The following HMBOX1 variants were observed in gnomAD, a reference collection of about 807,000 sequenced individuals.
HMBOX1 encodes the protein homeobox-containing protein 1.
Under a neutral mutation model 54.5 loss-of-function variants are expected in HMBOX1, and 14 were observed. The observed-to-expected ratio is 0.26, with a 90% CI of 0.17 to 0.40. The LOEUF is 0.40. Ranked by LOEUF, HMBOX1 falls within the 10% of genes least tolerant of loss-of-function variation. HMBOX1 has a pLI of 1.00. For synonymous variants in HMBOX1, 160 were observed against 181.0 expected, an observed-to-expected ratio of 0.88 and a Z score of 0.93; for missense variants, 332 against 514.4, an observed-to-expected ratio of 0.65 and a Z score of 3.43.
At chr8:28,910,131 T>C (rs778073147) in intron 1 of HMBOX1, among the ~76,000 whole-genome samples, 1 of 152,220 alleles carries the variant, frequency 6.6e-6, no homozygotes, top group Admixed American at 6.5e-5. Context: ...GTTTACAGAT[T>C]TGTACTTTCC....
chr8:28,971,934 A>G (rs1827497208), intron 3 of HMBOX1, among the ~76,000 whole-genome samples: 2 of 152,326 alleles, frequency 1.3e-5, no homozygotes, highest in African/African-American at 4.8e-5. Context: ...AGTACCTATA[A>G]GTATCATTAT....
At chr8:29,015,178 C>T (rs900875507) in intron 5 of HMBOX1, among the ~76,000 whole-genome samples, 1 of 152,066 alleles carries the variant, frequency 6.6e-6, no homozygotes, top group Non-Finnish European at 1.5e-5. Flanking sequence ...CAAGAAAGAA[C>T]CATTATTATT....
At chr8:28,932,436 C>T (rs960630572) in intron 1 of HMBOX1, among the ~76,000 whole-genome samples, 10 of 152,152 alleles carry the variant, frequency 6.6e-5, no homozygotes, top group African/African-American at 1.2e-4. Flanking sequence ...CACTGATAGA[C>T]AGTGTAAAGC....
At position 29,018,850 on chromosome 8, in the gene HMBOX1, C is replaced by A. The variant is rs1800735206; in HGVS notation, c.788C>A (p.Thr263Asn). The change falls in exon 6 of 10, where the codon ACT (threonine) becomes AAT (asparagine). Residue 263 changes from threonine to asparagine, a missense_variant. By Grantham distance (65) the Thr-to-Asn change is moderately conservative (BLOSUM62 0). Coordinates refer to ENST00000287701, the MANE Select transcript of HMBOX1 (RefSeq NM_001135726.3). ...CCCCCAGTCTCTGCCACATCTGGTA[C>A]TTTCCGACTGCGACGAGGGAGTCGA... ...TPPPVSATSGTFRLRRGSRFT... is the reference protein window; with the variant it reads ...TPPPVSATSGNFRLRRGSRFT... The A allele has an allele frequency of 6.2e-7, 1 of 1,614,166 alleles. No homozygotes were observed. Among genetic ancestry groups the A allele is most frequent in the Non-Finnish European group, 8.5e-7 (1 of 1,179,996 alleles).
chr8:28,892,420 C>T (rs1312727990), intron 1 of HMBOX1, among the ~76,000 whole-genome samples: 1 of 152,032 alleles, frequency 6.6e-6, no homozygotes, highest in Non-Finnish European at 1.5e-5. Flanking sequence ...TTTGTACTTC[C>T]TTATTAAGTT....
intron 1 of HMBOX1, among the ~76,000 whole-genome samples, chr8:28,940,564 T>C (rs1821206084): frequency 6.6e-6 from 1 of 152,244 alleles, no homozygotes; most frequent in African/African-American, 2.4e-5. Flanking sequence ...ATATTCCTAA[T>C]GACTAAAATA....
intron 1 of HMBOX1, among the ~76,000 whole-genome samples, chr8:28,904,783 C>A (rs1367674259): frequency 6.6e-6 from 1 of 151,922 alleles, no homozygotes; most frequent in African/African-American, 2.4e-5. Context: ...TCACACCATT[C>A]TCCTGCCTCA....
rs73669461 is a variant in HMBOX1, at chr8:28,932,017, A to G, written c.-57-31794A>G. 4.9e-3 allele frequency among the ~76,000 whole-genome samples: 746 copies of G among 152,376 alleles called. 5 individuals carry two copies. The highest frequency in any genetic ancestry group is 7.7e-3 in the Non-Finnish European group (523 of 68,044). On this transcript the variant is annotated intron_variant, in intron 1 of 9. Coordinates refer to ENST00000287701, the MANE Select transcript of HMBOX1 (RefSeq NM_001135726.3). ...AGATAGTAGTAAGTGCTAGAAGCAT[A>G]TAAGTCAGGGTTATGATAGTATTTT...
At chr8:28,939,599 C>A (rs566129528) in intron 1 of HMBOX1, among the ~76,000 whole-genome samples, 1 of 151,968 alleles carries the variant, frequency 6.6e-6, no homozygotes, top group Non-Finnish European at 1.5e-5. Context: ...TCTCCGCCCC[C>A]CCTGGGTTCA....
intron 9 of HMBOX1, 182 bp downstream of exon 9, chr8:29,049,230 G>T: frequency 6.6e-7 from 1 of 1,514,636 alleles, no homozygotes; most frequent in Non-Finnish European, 8.8e-7. Context: ...AGATTCAGTT[G>T]TCCTGTTGAA....
At chr8:29,005,046 A>G (rs1220957118) in intron 4 of HMBOX1, among the ~76,000 whole-genome samples, 1 of 152,216 alleles carries the variant, frequency 6.6e-6, no homozygotes, top group Non-Finnish European at 1.5e-5. Flanking sequence ...CTGAGATTAA[A>G]TTTAGAGGGA....
At chr8:28,891,751 G>T (rs1473411410) in intron 1 of HMBOX1, 1 of 152,240 alleles carries the variant, frequency 6.6e-6, no homozygotes, top group Non-Finnish European at 1.5e-5. Flanking sequence ...TCTTGCATTT[G>T]CCTGAAAGCT....
At chr8:28,960,229 C>T (rs564135631) in intron 1 of HMBOX1, among the ~76,000 whole-genome samples, 16 of 151,620 alleles carry the variant, frequency 1.1e-4, no homozygotes, top group Non-Finnish European at 1.8e-4. Flanking sequence ...AATGAGCCAC[C>T]GTGCCTGGCC....
chr8:28,916,911 A>G (rs1343599550), intron 1 of HMBOX1, among the ~76,000 whole-genome samples: 2 of 152,076 alleles, frequency 1.3e-5, no homozygotes, highest in African/African-American at 2.4e-5. Flanking sequence ...TCTACAAAAT[A>G]TAAAAATTAG....
At chr8:28,902,024 A>G (rs1458276613) in intron 1 of HMBOX1, among the ~76,000 whole-genome samples, 2 of 152,210 alleles carry the variant, frequency 1.3e-5, no homozygotes, top group East Asian at 1.9e-4. Flanking sequence ...CTGCATTTAC[A>G]TACTCAATCA....
intron 6 of HMBOX1, among the ~76,000 whole-genome samples, chr8:29,039,215 G>A (rs924001685): frequency 6.6e-6 from 1 of 152,108 alleles, no homozygotes; most frequent in African/African-American, 2.4e-5. Context: ...GTTCACCTTT[G>A]CCACCATTTA....
intron 8 of HMBOX1, among the ~76,000 whole-genome samples, chr8:29,047,799 T>A (rs966609890): frequency 6.6e-6 from 1 of 152,078 alleles, no homozygotes; most frequent in Admixed American, 6.5e-5. Context: ...ACTCCCGACC[T>A]CAGGTGATCC....
chr8:29,018,827 C>A lies in HMBOX1; in HGVS notation c.765C>A (p.Pro255=), dbSNP rs752016935. Reference sequence around the variant, plus strand: ...ACCCTGAATGGAGACAAACGCCTCCCCCAGTCTCTGCCACATCTGGTACTT... The same window carrying A: ...ACCCTGAATGGAGACAAACGCCTCCACCAGTCTCTGCCACATCTGGTACTT... ...IEDPEWRQTP[P]PVSATSGTFR... Residue 255 remains proline, a synonymous_variant, in exon 6 of 10, where the codon CCC becomes CCA. Coordinates refer to ENST00000287701, the MANE Select transcript of HMBOX1 (RefSeq NM_001135726.3). 4 of 1,613,984 alleles carry A rather than the reference C, an allele frequency of 2.5e-6. No homozygotes were observed. Among genetic ancestry groups the A allele is most frequent in the Non-Finnish European group, 3.4e-6 (4 of 1,179,942 alleles).
chr8:28,933,059 C>T (rs1157626409), intron 1 of HMBOX1, among the ~76,000 whole-genome samples: 1 of 152,150 alleles, frequency 6.6e-6, no homozygotes, highest in Non-Finnish European at 1.5e-5. Flanking sequence ...GGGTCCAAGT[C>T]CAGTCAGATC....
Sources: allele counts gnomAD v4.1 joint callset (sites outside exome capture counted in the v4.1 genomes callset), GRCh38; gene constraint gnomAD v4.1.1; transcripts MANE v1.5; gene names NCBI Gene and HGNC (gene_info 2026-07-23, HGNC 2026-07-21).